Variants in STRBP observed in about 807,000 individuals in gnomAD.
The protein encoded by STRBP is spermatid perinuclear RNA-binding protein.
A neutral mutation model predicts 80.1 loss-of-function variants in STRBP; 13 were observed. The observed-to-expected ratio is 0.16, with a 90% CI of 0.11 to 0.26. The LOEUF is 0.26. STRBP is among the 10% of genes least tolerant of loss of function. The pLI, the probability that STRBP is intolerant of heterozygous loss-of-function variation, is 1.00. For synonymous variants in STRBP, 284 were observed against 291.2 expected, an observed-to-expected ratio of 0.98 and a Z score of 0.25; for missense variants, 485 against 815.2, an observed-to-expected ratio of 0.59 and a Z score of 4.93.
At chr9:123,191,757 T>A (rs1050205018) in intron 2 of STRBP, among the ~76,000 whole-genome samples, 1 of 152,146 alleles carries the variant, frequency 6.6e-6, no homozygotes, top group Non-Finnish European at 1.5e-5. Context: ...TGGGCCAAAT[T>A]TGGTCATGGG....
chr9:123,184,092 C>T, intron 3 of STRBP, 40 bp downstream of exon 3: 1 of 1,581,330 alleles, frequency 6.3e-7, no homozygotes, highest in South Asian at 1.1e-5. Context: ...TTACTGGAGT[C>T]TTTTGTAACT....
At chr9:123,221,280 C>T (rs951069370) in intron 2 of STRBP, among the ~76,000 whole-genome samples, 8 of 152,172 alleles carry the variant, frequency 5.3e-5, no homozygotes, top group Non-Finnish European at 8.8e-5. Context: ...CCTCCCACAT[C>T]TTGCCACTCA....
At chr9:123,268,062 C>G (rs1213098103) in intron 1 of STRBP, among the ~76,000 whole-genome samples, 1 of 151,244 alleles carries the variant, frequency 6.6e-6, no homozygotes, top group African/African-American at 2.4e-5. Flanking sequence ...CAATGTCCTC[C>G]AACACCTGCC....
intron 13 of STRBP, among the ~76,000 whole-genome samples, chr9:123,145,061 T>C (rs1398403859): frequency 2.6e-5 from 4 of 152,202 alleles, no homozygotes; most frequent in Non-Finnish European, 2.9e-5. Flanking sequence ...ATTTACTAGT[T>C]ACTGCACATT....
intron 4 of STRBP, among the ~76,000 whole-genome samples, chr9:123,174,318 G>C (rs2132437498): frequency 6.6e-6 from 1 of 152,320 alleles, no homozygotes; most frequent in African/African-American, 2.4e-5. Flanking sequence ...TGCACCTGTA[G>C]TGCCAGCTAT....
At chr9:123,183,490 T>C (rs890627929) in intron 3 of STRBP, among the ~76,000 whole-genome samples, 3 of 150,796 alleles carry the variant, frequency 2.0e-5, no homozygotes, top group African/African-American at 4.9e-5. Context: ...AAAAAATTCA[T>C]ATAACACCCT....
At chr9:123,237,101 C>T (rs544856873) in intron 1 of STRBP, 135 bp from the exon 2 acceptor site, 170 of 152,422 alleles carry the variant, frequency 1.1e-3, no homozygotes, top group Admixed American at 2.7e-3. Flanking sequence ...TGAGCCTCTG[C>T]ACTCCAGCCT....
At chr9:123,240,986 C>T (rs2040682000) in intron 1 of STRBP, among the ~76,000 whole-genome samples, 1 of 151,988 alleles carries the variant, frequency 6.6e-6, no homozygotes, top group South Asian at 2.1e-4. Flanking sequence ...TCATGACCAG[C>T]CTGACCAACA....
intron 14 of STRBP, among the ~76,000 whole-genome samples, chr9:123,139,113 C>T (rs970272122): frequency 1.3e-5 from 2 of 152,160 alleles, no homozygotes; most frequent in African/African-American, 4.8e-5. Context: ...CAATGTACCC[C>T]GCAGCTTAGC....
At chr9:123,207,752 C>T (rs1246421884) in intron 2 of STRBP, among the ~76,000 whole-genome samples, 3 of 151,938 alleles carry the variant, frequency 2.0e-5, no homozygotes, top group Non-Finnish European at 4.4e-5. Context: ...AAAAAAAGAA[C>T]ACATCAGGGA....
chr9:123,263,257 T>C (rs191180533), intron 1 of STRBP, among the ~76,000 whole-genome samples: 1 of 152,092 alleles, frequency 6.6e-6, no homozygotes, highest in East Asian at 1.9e-4. Flanking sequence ...CAAGGCAAAT[T>C]AATGTGTAAT....
chr9:123,235,955 C>A (rs2040549943), intron 2 of STRBP, among the ~76,000 whole-genome samples: 2 of 152,148 alleles, frequency 1.3e-5, no homozygotes, highest in Admixed American at 1.3e-4. Flanking sequence ...TCCATCTGCA[C>A]AAATACTTAA....
intron 16 of STRBP, among the ~76,000 whole-genome samples, chr9:123,134,461 C>T (rs1162386681): frequency 6.6e-6 from 1 of 152,214 alleles, no homozygotes; most frequent in African/African-American, 2.4e-5. Context: ...CTGTGTCATG[C>T]ACAGGGACTG....
chr9:123,166,634 G>A (rs1167921938), intron 6 of STRBP, among the ~76,000 whole-genome samples: 5 of 151,992 alleles, frequency 3.3e-5, no homozygotes, highest in African/African-American at 1.2e-4. Flanking sequence ...TGCACCTGTA[G>A]TCCCAGCTAC....
intron 2 of STRBP, among the ~76,000 whole-genome samples, chr9:123,217,265 T>A (rs982425021): frequency 6.6e-6 from 1 of 152,030 alleles, no homozygotes; most frequent in African/African-American, 2.4e-5. Context: ...CTCAAAATGA[T>A]AGAGTAGAAG....
chr9:123,200,570 C>CTT (rs1225601723), intron 2 of STRBP, among the ~76,000 whole-genome samples: 11 of 134,492 alleles, frequency 8.2e-5, no homozygotes, highest in African/African-American at 2.2e-4. Flanking sequence ...ATTTTTTTGT[C>CTT]TTTTTTTTTT....
At chr9:123,225,963 CAACAG>C (rs1248476131) in intron 2 of STRBP, among the ~76,000 whole-genome samples, 1 of 152,124 alleles carries the variant, frequency 6.6e-6, no homozygotes, top group Admixed American at 6.6e-5. Context: ...GGTATTTGCC[CAACAG>C]AAATGAAAAT....
At chr9:123,119,455 G>GT (rs2035695754), downstream of STRBP, among the ~76,000 whole-genome samples, 1 of 142,918 alleles carries the variant, frequency 7.0e-6, no homozygotes, top group African/African-American at 2.6e-5. Context: ...TTTAACTACT[G>GT]TAACAGACAC....
intron 1 of STRBP, among the ~76,000 whole-genome samples, chr9:123,257,747 G>A (rs1164006902): frequency 1.3e-5 from 2 of 152,106 alleles, no homozygotes; most frequent in African/African-American, 4.8e-5. Flanking sequence ...AGCCTAGGAG[G>A]TTGAGGCTGC....
Sources: allele counts gnomAD v4.1 joint callset (sites outside exome capture counted in the v4.1 genomes callset), GRCh38; gene constraint gnomAD v4.1.1; transcripts MANE v1.5; gene names NCBI Gene and HGNC (gene_info 2026-07-23, HGNC 2026-07-21).